ATP2A1: variants seen among roughly 807,000 people sequenced by gnomAD.
The protein encoded by ATP2A1 is sarcoplasmic/endoplasmic reticulum calcium ATPase 1.
Under a neutral mutation model 109.5 loss-of-function variants are expected in ATP2A1, and 83 were observed. The observed-to-expected ratio is 0.76, with a 90% CI of 0.63 to 0.91. ATP2A1 has a LOEUF of 0.91. Among genes scored for constraint, ATP2A1 ranks in the 40% least tolerant of loss-of-function variants. The probability of loss-of-function intolerance (pLI) is 0.00; values close to 1 mark genes in which losing one functional copy is unlikely to be tolerated. For synonymous variants in ATP2A1, 505 were observed against 537.6 expected (o/e 0.94, Z 0.84); for missense variants, 1,101 against 1,341.0 (o/e 0.82, Z 2.80).
At chr16:28,896,690 C>T (rs951892846) in intron 12 of ATP2A1, among the ~76,000 whole-genome samples, 15 of 149,866 alleles carry the variant, frequency 1.0e-4, no homozygotes, top group East Asian at 3.9e-4. Context: ...GGATTACAGG[C>T]GTGAGCCACT....
rs917561497 is a variant in ATP2A1, at chr16:28,894,236, GGA to G, written c.1181_1182del (p.Glu394GlyfsTer5). 1 of 1,613,654 alleles carries G rather than the reference GGA, an allele frequency of 6.2e-7. No homozygotes were observed. The highest frequency in any genetic ancestry group is 1.3e-5 in the African/African-American group (1 of 74,850). On this transcript the variant is annotated frameshift_variant, in exon 10 of 23. Coordinates refer to ENST00000395503, the MANE Select transcript of ATP2A1 (RefSeq NM_004320.6). LOFTEE classifies it high-confidence loss of function. ...CACCGGCTCCACTTACGCTCCAGAG[GGA>G]GAGGTGTAAGTCACCCAGGCATCTT... ...SITGSTYAPE[G>X]EVLKNDKPVR... is the part of the protein sequence containing the mutation.
At chr16:28,895,943 C>T (rs1963906705) in intron 12 of ATP2A1, among the ~76,000 whole-genome samples, 1 of 152,094 alleles carries the variant, frequency 6.6e-6, no homozygotes, top group African/African-American at 2.4e-5. Context: ...ATAATGCAAA[C>T]ATAAATTTTT....
Position 28,898,497 on chromosome 16 carries a change from C to A in ATP2A1, c.1764+46C>A. The A allele has an allele frequency of 6.4e-7, 1 of 1,574,484 alleles. No homozygotes were observed. On this transcript the variant is annotated intron_variant, in intron 14 of 22. Coordinates refer to ENST00000395503, the MANE Select transcript of ATP2A1 (RefSeq NM_004320.6). The surrounding 1 kb of genome is among the most constrained non-coding windows in gnomAD (Gnocchi z 4.0). ...CACTGTCGTGGAGCTGGTGAAGGGC[C>A]GGGTCCCAGCCATCCACTCACAGCT...
rs1963377688 is a variant in ATP2A1, at chr16:28,879,245, T to C, written c.136+129T>C. 3.2e-6 allele frequency: 4 copies of C among 1,257,208 alleles called. No individual in the cohort carries two copies. In the Admixed American group the frequency reaches 7.0e-5, roughly 22 times the overall value. The allele number at this position is 1,257,208 out of a possible 1,614,324, so 77.9% of individuals were successfully genotyped here. A position where few individuals can be genotyped will look rare whatever the true frequency, so the allele number is the denominator to read the frequency against. On this transcript the variant is annotated intron_variant, in intron 2 of 22. Transcript: ENST00000395503. The stretch of plus-strand genomic sequence containing the variant: ...TTCCCAAAAGGCAAATCTCCCTCCC[T>C]AAAGGTTAGAGTCCTGTCCGGGGCA...
chr16:28,903,306 C>A lies in ATP2A1; in HGVS notation c.2863-17C>A. ...CTCCCCACCCCCTCCTGAGAGGGCG[C>A]TTGTCCCCTGCCCCAGATGATCTTC... On this transcript the variant is annotated splice_polypyrimidine_tract_variant and intron_variant, in intron 20 of 22. Transcript: ENST00000395503. This position sits in a 1 kb window ranked among gnomAD's most constrained non-coding sequence, Gnocchi z 5.6. 6.2e-7 allele frequency: 1 copy of A among 1,607,954 alleles called. No homozygotes were observed. Among genetic ancestry groups the A allele is most frequent in the Non-Finnish European group, 8.5e-7 (1 of 1,174,564 alleles).
At chr16:28,890,005 G>C (rs1963725800) in intron 9 of ATP2A1, among the ~76,000 whole-genome samples, 2 of 152,154 alleles carry the variant, frequency 1.3e-5, no homozygotes, top group African/African-American at 4.8e-5. Context: ...AGCCGGGCAT[G>C]GTGGTGCGTG....
intron 6 of ATP2A1, 93 bp downstream of exon 6, chr16:28,884,748 A>G: frequency 8.1e-7 from 1 of 1,231,826 alleles, no homozygotes; most frequent in South Asian, 1.3e-5. Flanking sequence ...GAGAACCCTC[A>G]CTGTCTGAGC....
intron 12 of ATP2A1, among the ~76,000 whole-genome samples, chr16:28,897,540 G>A (rs141419495): frequency 6.6e-6 from 1 of 151,846 alleles, no homozygotes; most frequent in East Asian, 1.9e-4. Flanking sequence ...AACAATGAAA[G>A]TTTTTTTTTC....
intron 4 of ATP2A1, among the ~76,000 whole-genome samples, 165 bp downstream of exon 4, chr16:28,881,184 T>G (rs1963464815): frequency 6.6e-6 from 1 of 152,178 alleles, no homozygotes; most frequent in Non-Finnish European, 1.5e-5. Context: ...GGTGGGAGAC[T>G]GTGACCCACT....
chr16:28,894,905 G>C lies in ATP2A1; in HGVS notation c.1371G>C (p.Thr457=). The C allele has an allele frequency of 6.2e-7, 1 of 1,612,522 alleles. No individual in the cohort carries two copies. The highest frequency in any genetic ancestry group is 1.3e-5 in the African/African-American group (1 of 75,022). Residue 457 remains threonine (T), a synonymous_variant, in exon 12 of 23, where the codon ACG becomes ACC. Coordinates refer to ENST00000395503, the MANE Select transcript of ATP2A1 (RefSeq NM_004320.6). ...TLVEKMNVFN[T]DVRSLSKVER... is the part of the protein sequence containing the mutation. ...TGGAGAAGATGAATGTGTTCAACACGGATGTGAGAAGCCTCTCGAAGGTGG... is the reference window on the plus strand; with the variant it reads ...TGGAGAAGATGAATGTGTTCAACACCGATGTGAGAAGCCTCTCGAAGGTGG...
At chr16:28,904,112 A>ATGTGCCTGGGC in intron 22 of ATP2A1, 68 bp from the exon 23 acceptor site, 2 of 1,403,420 alleles carry the variant, frequency 1.4e-6, no homozygotes, top group Non-Finnish European at 2.0e-6. Flanking sequence ...CGTGCCTGGG[A>ATGTGCCTGGGC]GATGCACCTG....
At chr16:28,894,365 C>G (rs1963858856) in intron 10 of ATP2A1, 122 bp downstream of exon 10, 2 of 1,293,884 alleles carry the variant, frequency 1.5e-6, no homozygotes, top group African/African-American at 1.5e-5. Flanking sequence ...CGACCTTGTT[C>G]TCTCTCCTGA....
intron 8 of ATP2A1, among the ~76,000 whole-genome samples, chr16:28,888,010 C>T (rs1567483154): frequency 6.6e-6 from 1 of 151,682 alleles, no homozygotes; most frequent in South Asian, 2.1e-4. Context: ...ACCGTGTTAG[C>T]CAGGATGGTC....
rs1963548163 is a variant in ATP2A1, at chr16:28,883,698, G to A, written c.464-877G>A. 6.6e-6 allele frequency among the ~76,000 whole-genome samples: 1 copy of A among 151,980 alleles called. No homozygotes were observed. Among genetic ancestry groups the A allele is most frequent in the South Asian group, 2.1e-4 (1 of 4,818 alleles). ...GTTTCCATGGCCTGCCAGCCCACCT[G>A]TGCGTCTCCCTGGCCTCACCTCCAC... On this transcript the variant is annotated intron_variant, in intron 5 of 22. Coordinates refer to ENST00000395503, the MANE Select transcript of ATP2A1 (RefSeq NM_004320.6). The surrounding 1 kb of genome is among the most constrained non-coding windows in gnomAD (Gnocchi z 5.2).
In ATP2A1 at chr16:28,882,678, T is replaced by C. The variant is rs139714400; in HGVS notation, c.463+89T>C. 1.5e-3 allele frequency: 2,361 copies of C among 1,562,086 alleles called. 55 individuals are homozygous for C. The East Asian group carries it at 0.049, about 32-fold the overall frequency. The stretch of plus-strand genomic sequence containing the variant: ...GGGGCTGGTCAGGCTCGGATCCAGG[T>C]GTCCAGGAGGATGACGGAGTCTGCT... On this transcript the variant is annotated intron_variant, in intron 5 of 22. Coordinates refer to ENST00000395503, the MANE Select transcript of ATP2A1 (RefSeq NM_004320.6).
intron 10 of ATP2A1, 86 bp downstream of exon 10, chr16:28,894,329 T>C: frequency 2.8e-6 from 4 of 1,424,936 alleles, no homozygotes; most frequent in South Asian, 2.4e-5. Flanking sequence ...GTGGTTTTGC[T>C]CTCCTTTCAC....
At chr16:28,884,303 C>A (rs956989527) in intron 5 of ATP2A1, among the ~76,000 whole-genome samples, 5 of 152,142 alleles carry the variant, frequency 3.3e-5, no homozygotes, top group Admixed American at 1.3e-4. Context: ...GGGCTCACAG[C>A]CAGTGGGAAG....
chr16:28,884,444 C>A, intron 5 of ATP2A1, 131 bp from the exon 6 acceptor site: 1 of 855,920 alleles, frequency 1.2e-6, no homozygotes, highest in Non-Finnish European at 1.9e-6. Flanking sequence ...GGGCCTGATG[C>A]AAGCCCTGGG....
chr16:28,887,077 C>T (rs1963633837), intron 6 of ATP2A1, 112 bp from the exon 7 acceptor site: 1 of 1,083,864 alleles, frequency 9.2e-7, no homozygotes, highest in Non-Finnish European at 1.4e-6. Flanking sequence ...CCCAGGATGG[C>T]TACTTGGTCC....
Sources: gnomAD v4.1 joint callset for allele counts (sites outside exome capture counted in the v4.1 genomes callset) on GRCh38, gnomAD v4.1.1 for gene constraint, Gnocchi (gnomAD v3.1) non-coding constraint, MANE v1.5 for transcripts, NCBI Gene and HGNC (gene_info 2026-07-23, HGNC 2026-07-21) for gene names.